Variants in ENPP5 observed in about 807,000 individuals in gnomAD.
ENPP5 encodes ectonucleotide pyrophosphatase/phosphodiesterase family member 5.
A neutral mutation model predicts 33.7 loss-of-function variants in ENPP5; 27 were observed. The observed-to-expected ratio is 0.80, with a 90% CI of 0.59 to 1.11. The LOEUF (loss-of-function observed/expected upper bound fraction) is 1.11. Ranked by LOEUF, ENPP5 falls within the 50% of genes least tolerant of loss-of-function variation. The pLI, the probability that ENPP5 is intolerant of heterozygous loss-of-function variation, is 0.00. For synonymous variants in ENPP5, 199 were observed against 200.5 expected, an observed-to-expected ratio of 0.99 and a Z score of 0.06; for missense variants, 552 against 579.2, an observed-to-expected ratio of 0.95 and a Z score of 0.48.
intron 3 of ENPP5, 61 bp downstream of exon 3, chr6:46,167,373 T>C: frequency 1.5e-5 from 16 of 1,093,072 alleles, no homozygotes; most frequent in Non-Finnish European, 2.1e-5. Flanking sequence ...CCCTGTTCAT[T>C]TGATCACACT....
rs1466626970 is a variant in ENPP5, at chr6:46,168,292, G to C, written c.-30C>G. The stretch of plus-strand genomic sequence containing the variant: ...AAAGTACTTGATCAGTTCAGTGTAA[G>C]ATAATCTGTAGAATAAACATATAGA... On this transcript the variant is annotated 5_prime_UTR_variant, in exon 3 of 5. The change creates a new upstream start codon in the 5' untranslated region. Transcript: ENST00000371383. 7.3e-7 allele frequency: 1 copy of C among 1,361,248 alleles called. No individual in the cohort carries two copies. The highest frequency in any genetic ancestry group is 2.3e-5 in the East Asian group (1 of 43,232). 84.3% of individuals were successfully genotyped at this position (1,361,248 alleles called of 1,614,324 possible).
Position 46,161,333 on chromosome 6 carries a change from T to C in ENPP5, c.1427A>G (p.Gln476Arg). 1 of 1,609,388 alleles carries C rather than the reference T, an allele frequency of 6.2e-7. No homozygotes were observed. The highest frequency in any genetic ancestry group is 8.5e-7 in the Non-Finnish European group (1 of 1,177,146). ...MHAEIAQPLLQA is the reference protein window; with the variant it reads ...MHAEIAQPLLRA Reference sequence around the variant, plus strand: ...ATCCACTTCAAAGTAACATTAGGCTTGTAATAATGGTTGAGCTATTTCAGC... The same window carrying C: ...ATCCACTTCAAAGTAACATTAGGCTCGTAATAATGGTTGAGCTATTTCAGC... Residue 476 changes from glutamine to arginine, a missense_variant, in exon 5 of 5, where the codon CAA becomes CGA. Transcript: ENST00000371383.
chr6:46,165,597 A>C, intron 3 of ENPP5, 34 bp from the exon 4 acceptor site: 1 of 1,461,976 alleles, frequency 6.8e-7, no homozygotes, highest in Non-Finnish European at 9.1e-7. Flanking sequence ...CTCAGAACAA[A>C]ATACTCATAG....
intron 4 of ENPP5, 139 bp downstream of exon 4, chr6:46,165,248 C>T (rs754892475): frequency 1.8e-4 from 118 of 647,988 alleles, no homozygotes; most frequent in Non-Finnish European, 2.5e-4. Flanking sequence ...TAGATAAGTA[C>T]GAAAACATTG....
rs1232377061 is a variant in ENPP5, at chr6:46,168,229, GT to G, written c.33del (p.Ala13LeufsTer3). Reference sequence around the variant, plus strand: ...GTGGTTGAAAGACTCAGTGCAGCAAGTATGAAGGACACCAAGAGAAATTTCG... The same window carrying G: ...GTGGTTGAAAGACTCAGTGCAGCAAGATGAAGGACACCAAGAGAAATTTCG... MTSKFLLVSFILAALSLSTTF... is the reference protein window; with the variant it reads MTSKFLLVSFXLAALSLSTTF... On this transcript the variant is annotated frameshift_variant, in exon 3 of 5. Transcript: ENST00000371383. LOFTEE classifies it high-confidence loss of function. 16 of 1,598,702 alleles carry G rather than the reference GT, an allele frequency of 1.0e-5. No individual in the cohort carries two copies. Among genetic ancestry groups the G allele is most frequent in the Admixed American group, 1.7e-5 (1 of 58,346 alleles).
At position 46,161,452 on chromosome 6, in the gene ENPP5, C is replaced by A. The variant is rs1764390580; in HGVS notation, c.1308G>T (p.Gly436=). The change falls in exon 5 of 5, where the codon GGG becomes GGT. Residue 436 remains glycine (G), a synonymous_variant. Transcript: ENST00000371383. ...TCACTATAATGCTGCCAAGAGAGAC[C>A]CCTATGAAATAAGGGTATGACCCCT... ...DQEGSYPYFI[G]VSLGSIIVIV... is the part of the protein sequence containing the mutation. The A allele has an allele frequency of 6.2e-7, 1 of 1,613,718 alleles. No homozygotes were observed. Among genetic ancestry groups the A allele is most frequent in the African/African-American group, 1.3e-5 (1 of 74,848 alleles).
intron 2 of ENPP5, among the ~76,000 whole-genome samples, chr6:46,168,976 T>C (rs1419858368): frequency 6.6e-6 from 1 of 152,092 alleles, no homozygotes; most frequent in Non-Finnish European, 1.5e-5. Context: ...ACTAAATAAT[T>C]AGATTCTAAA....
Position 46,167,644 on chromosome 6 carries a change from C to T in ENPP5, c.619G>A (p.Val207Ile), listed in dbSNP as rs1353028791. The change falls in exon 3 of 5, where the codon GTC becomes ATC. Residue 207 changes from valine (V) to isoleucine (I), a missense_variant. Coordinates refer to ENST00000371383, the MANE Select transcript of ENPP5 (RefSeq NM_001290072.2). ...LGPDSPLMGP[V>I]ISDIDKKLGY... is the part of the protein sequence containing the mutation. ...AACTTCTTGTCAATATCTGAAATGA[C>T]AGGCCCCATGAGCGGACTGTCAGGT... 1.2e-6 allele frequency: 2 copies of T among 1,614,070 alleles called. No homozygotes were observed. The highest frequency in any genetic ancestry group is 1.7e-5 in the Admixed American group (1 of 60,010).
Position 46,165,525 on chromosome 6 carries a change from G to A in ENPP5, c.868C>T (p.His290Tyr), listed in dbSNP as rs1241035268. 1.2e-6 allele frequency: 2 copies of A among 1,605,086 alleles called. No homozygotes were observed. Among genetic ancestry groups the A allele is most frequent in the Non-Finnish European group, 1.7e-6 (2 of 1,177,412 alleles). Residue 290 changes from histidine (H) to tyrosine (Y), a missense_variant, in exon 4 of 5, where the codon CAT (histidine) becomes TAT (tyrosine). By Grantham distance (83) the His-to-Tyr change is moderately conservative. Transcript: ENST00000371383. Reference sequence around the variant, plus strand: ...TTTTTGTAAACAGTAAGATTAGGATGAGCGTGAGTTAGTGCTTCATAGACT... The same window carrying A: ...TTTTTGTAAACAGTAAGATTAGGATAAGCGTGAGTTAGTGCTTCATAGACT... ...DEVYEALTHA[H>Y]PNLTVYKKED...
rs116811123 is a variant in ENPP5, at chr6:46,165,541, T to C, written c.852A>G (p.Glu284=). Residue 284 remains glutamate (E), a synonymous_variant, in exon 4 of 5, where the codon GAA becomes GAG. Coordinates refer to ENST00000371383, the MANE Select transcript of ENPP5 (RefSeq NM_001290072.2). ...GATTAGGATGAGCGTGAGTTAGTGC[T>C]TCATAGACTTCATCAAATTTACCTA... The part of the protein sequence containing the change: ...PKEGKFDEVY[E]ALTHAHPNLT... 361 of 1,575,502 alleles carry C rather than the reference T, an allele frequency of 2.3e-4. 2 individuals carry two copies. The African/African-American group carries it at 4.6e-3, about 20-fold the overall frequency.
chr6:46,164,432 T>C (rs1165987941), intron 4 of ENPP5, among the ~76,000 whole-genome samples: 2 of 152,212 alleles, frequency 1.3e-5, no homozygotes, highest in African/African-American at 4.8e-5. Context: ...TTAACTATTC[T>C]GGCTTAGGTA....
intron 4 of ENPP5, among the ~76,000 whole-genome samples, chr6:46,163,032 A>G (rs1297702796): frequency 1.3e-5 from 2 of 152,204 alleles, no homozygotes; most frequent in East Asian, 3.9e-4. Context: ...TGACTTATGT[A>G]AAAGCTTTCC....
intron 3 of ENPP5, 152 bp downstream of exon 3, chr6:46,167,282 C>A: frequency 3.4e-6 from 2 of 588,700 alleles, no homozygotes; most frequent in Non-Finnish European, 5.9e-6. Flanking sequence ...GAGATTTTGT[C>A]TTTTCAGAGT....
rs1158357596 is a variant in ENPP5 at position 46,165,546 on chromosome 6, A to T, written c.847T>A (p.Tyr283Asn). ...GGATGAGCGTGAGTTAGTGCTTCAT[A>T]GACTTCATCAAATTTACCTAAAGAG... Reference protein sequence around the residue: ...LPKEGKFDEVYEALTHAHPNL... With the variant: ...LPKEGKFDEVNEALTHAHPNL... The change falls in exon 4 of 5, where the codon TAT becomes AAT. Residue 283 changes from tyrosine to asparagine, a missense_variant. By Grantham distance (143) the Tyr-to-Asn change is moderately radical. Transcript: ENST00000371383. 1 of 1,573,936 alleles carries T rather than the reference A, an allele frequency of 6.4e-7. No homozygotes were observed. Among genetic ancestry groups the T allele is most frequent in the Non-Finnish European group, 8.6e-7 (1 of 1,167,210 alleles).
intron 2 of ENPP5, 47 bp from the exon 3 acceptor site, chr6:46,168,344 A>G: frequency 1.2e-6 from 1 of 859,010 alleles, no homozygotes; most frequent in Non-Finnish European, 1.8e-6. Flanking sequence ...TTTGTTTTGT[A>G]TACTTTACCC....
chr6:46,167,315 T>C, intron 3 of ENPP5, 119 bp downstream of exon 3: 1 of 687,000 alleles, frequency 1.5e-6, no homozygotes, highest in Non-Finnish European at 2.5e-6. Context: ...TCCCAGAATA[T>C]TACCATGACA....
intron 4 of ENPP5, among the ~76,000 whole-genome samples, chr6:46,164,427 T>C (rs1331004507): frequency 1.3e-5 from 2 of 152,230 alleles, no homozygotes; most frequent in Non-Finnish European, 2.9e-5. Flanking sequence ...AGGGCTTAAC[T>C]ATTCTGGCTT....
At chr6:46,165,315 A>G (rs1009951922) in intron 4 of ENPP5, 72 bp downstream of exon 4, 13 of 1,098,968 alleles carry the variant, frequency 1.2e-5, no homozygotes, top group Non-Finnish European at 1.4e-5. Flanking sequence ...AAACTGCTGT[A>G]TTATGTATTT....
chr6:46,167,045 G>A (rs1562070637), intron 3 of ENPP5, among the ~76,000 whole-genome samples: 1 of 152,086 alleles, frequency 6.6e-6, no homozygotes, highest in Non-Finnish European at 1.5e-5. Context: ...TGTTAAGCAG[G>A]TCCAAATTAG....
Sources: allele counts gnomAD v4.1 joint callset (sites outside exome capture counted in the v4.1 genomes callset), GRCh38; gene constraint gnomAD v4.1.1; transcripts MANE v1.5; gene names NCBI Gene and HGNC (gene_info 2026-07-23, HGNC 2026-07-21).